ITPRID1: variants seen among roughly 807,000 people sequenced by gnomAD.
ITPRID1 encodes the protein protein ITPRID1.
Under a neutral mutation model 95.4 loss-of-function variants are expected in ITPRID1, and 96 were observed. The observed-to-expected ratio is 1.01, with a 90% CI of 0.85 to 1.19. The LOEUF is 1.19. Ranked by LOEUF, ITPRID1 falls within the 50% of genes most tolerant of loss-of-function variation. The probability of loss-of-function intolerance (pLI) is 0.00; values close to 1 mark genes in which losing one functional copy is unlikely to be tolerated. For synonymous variants in ITPRID1, 510 were observed against 453.6 expected (o/e 1.12, Z -1.58); for missense variants, 1,339 against 1,252.9 (o/e 1.07, Z -1.04).
At chr7:31,587,464 A>G (rs1037206290) in intron 10 of ITPRID1, among the ~76,000 whole-genome samples, 3 of 149,610 alleles carry the variant, frequency 2.0e-5, no homozygotes, top group Non-Finnish European at 4.5e-5. Flanking sequence ...GGAGAACTAC[A>G]AACCACTGCT....
chr7:31,627,752 G>A (rs531201866), intron 10 of ITPRID1, among the ~76,000 whole-genome samples: 2 of 149,676 alleles, frequency 1.3e-5, no homozygotes, highest in South Asian at 2.1e-4. Context: ...TCAGTCCTCT[G>A]CACATCTTTC....
intron 10 of ITPRID1, among the ~76,000 whole-genome samples, chr7:31,612,305 G>C (rs897814127): frequency 6.6e-6 from 1 of 151,702 alleles, no homozygotes; most frequent in African/African-American, 2.4e-5. Context: ...TTTTGTTTTT[G>C]TCTAGTGAGA....
chr7:31,617,340 T>A (rs1787348468), intron 10 of ITPRID1, among the ~76,000 whole-genome samples: 1 of 152,200 alleles, frequency 6.6e-6, no homozygotes. Context: ...AAAGAATAAG[T>A]GTTAAATTTT....
chr7:31,570,005 T>G (rs1424933426), intron 6 of ITPRID1, among the ~76,000 whole-genome samples, 196 bp downstream of exon 6: 4 of 152,168 alleles, frequency 2.6e-5, no homozygotes, highest in Admixed American at 6.5e-5. Flanking sequence ...AATCATAAAA[T>G]TGTGAGCAAA....
chr7:31,617,499 T>TA lies in ITPRID1; in HGVS notation c.1229-24671dup, dbSNP rs945043538. Among the ~76,000 whole-genome samples the TA allele has an allele frequency of 1.3e-4, 19 of 150,694 alleles. No individual in the cohort carries two copies. In the East Asian group the frequency reaches 1.8e-3, roughly 14 times the overall value. ...AAAATCAAAACTATTCTGCTTTTTG[T>TA]AAAAAACAGAAAACAACTTCATTGT... On this transcript the variant is annotated intron_variant, in intron 10 of 14. Transcript: ENST00000615280.
At chr7:31,606,927 C>T (rs1786650399) in intron 10 of ITPRID1, among the ~76,000 whole-genome samples, 1 of 151,980 alleles carries the variant, frequency 6.6e-6, no homozygotes, top group African/African-American at 2.4e-5. Flanking sequence ...TTACCTTACT[C>T]TTGGTATCTA....
At chr7:31,549,343 G>C in intron 1 of ITPRID1, 83 bp from the exon 2 acceptor site, 1 of 976,842 alleles carries the variant, frequency 1.0e-6, no homozygotes, top group Non-Finnish European at 1.4e-6. Context: ...GACAACACAG[G>C]CTACCCACAA....
chr7:31,554,710 C>T (rs948458331), intron 4 of ITPRID1, 148 bp from the exon 5 acceptor site: 1 of 943,794 alleles, frequency 1.1e-6, no homozygotes, highest in Non-Finnish European at 1.6e-6. Flanking sequence ...AAATACTACT[C>T]TAGTCCCTGA....
intron 1 of ITPRID1, among the ~76,000 whole-genome samples, chr7:31,539,612 A>C (rs886974288): frequency 6.6e-6 from 1 of 152,244 alleles, no homozygotes. Flanking sequence ...AGAGTTAAAG[A>C]AAGTGGAGAG....
intron 5 of ITPRID1, among the ~76,000 whole-genome samples, chr7:31,568,251 G>A (rs909174206): frequency 2.0e-5 from 3 of 151,856 alleles, no homozygotes; most frequent in Non-Finnish European, 4.4e-5. Flanking sequence ...GAAAATGATG[G>A]GTATTCTTAT....
chr7:31,580,998 A>C (rs1166700300), intron 9 of ITPRID1, among the ~76,000 whole-genome samples: 5 of 152,226 alleles, frequency 3.3e-5, no homozygotes, highest in Non-Finnish European at 7.3e-5. Flanking sequence ...TGTTTCACTC[A>C]ATACCAGTGG....
At chr7:31,530,776 A>C (rs1235677086) in intron 1 of ITPRID1, among the ~76,000 whole-genome samples, 1 of 152,122 alleles carries the variant, frequency 6.6e-6, no homozygotes, top group Non-Finnish European at 1.5e-5. Context: ...CAATAGTCCA[A>C]ATAATTATAA....
chr7:31,514,205 G>A (rs1043033191), intron 1 of ITPRID1, 85 bp downstream of exon 1: 1 of 152,122 alleles, frequency 6.6e-6, no homozygotes, highest in East Asian at 1.9e-4. Context: ...AACTAAGGAA[G>A]GTAAGACTGT....
chr7:31,615,672 G>T (rs1787132362), intron 10 of ITPRID1, among the ~76,000 whole-genome samples: 1 of 139,212 alleles, frequency 7.2e-6, no homozygotes, highest in African/African-American at 2.7e-5. Flanking sequence ...TCTTAGACAT[G>T]ACCAAGATCA....
chr7:31,634,499 A>C (rs939678870), intron 10 of ITPRID1, among the ~76,000 whole-genome samples: 8 of 152,180 alleles, frequency 5.3e-5, no homozygotes, highest in African/African-American at 1.7e-4. Context: ...CAGAGAGAGT[A>C]AGAGGCAAGC....
rs1791136194 is a variant in ITPRID1 at position 31,653,575 on chromosome 7, C to T, written c.*746C>T. On this transcript the variant is annotated 3_prime_UTR_variant, in exon 15 of 15. Coordinates refer to ENST00000615280, the MANE Select transcript of ITPRID1 (RefSeq NM_001257967.3). The stretch of plus-strand genomic sequence containing the variant: ...GTTTTAGACTAAAGATTTTAGGGAC[C>T]ACAAGGAATTTCCCAGTGGGCAAAT... 1 of 151,824 alleles carries T rather than the reference C, an allele frequency of 6.6e-6. No homozygotes were observed. Among genetic ancestry groups the T allele is most frequent in the African/African-American group, 2.4e-5 (1 of 41,318 alleles). The allele number at this position is 151,824 out of a possible 1,614,324, so 9.4% of individuals were successfully genotyped here.
chr7:31,625,144 G>A (rs1788327354), intron 10 of ITPRID1, among the ~76,000 whole-genome samples: 1 of 152,102 alleles, frequency 6.6e-6, no homozygotes. Context: ...AGAGGATGTG[G>A]AGAAATAGGA....
intron 9 of ITPRID1, among the ~76,000 whole-genome samples, chr7:31,581,363 A>C (rs2128148654): frequency 6.6e-6 from 1 of 152,310 alleles, no homozygotes; most frequent in East Asian, 1.9e-4. Flanking sequence ...GCTTAATTTT[A>C]CTCAGTAAAA....
At chr7:31,640,481 T>C (rs1033315636) in intron 10 of ITPRID1, among the ~76,000 whole-genome samples, 39 of 152,310 alleles carry the variant, frequency 2.6e-4, no homozygotes, top group Middle Eastern at 3.4e-3. Flanking sequence ...TTTCCTCAGC[T>C]TCAAGTGTCT....
Sources: allele counts gnomAD v4.1 joint callset (sites outside exome capture counted in the v4.1 genomes callset), GRCh38; gene constraint gnomAD v4.1.1; transcripts MANE v1.5; gene names NCBI Gene and HGNC (gene_info 2026-07-23, HGNC 2026-07-21).